The following FCHSD2 variants were observed in gnomAD, a reference collection of about 807,000 sequenced individuals.
The protein encoded by FCHSD2 is FCH and double SH3 domains 2.
FCHSD2 carries 38 observed loss-of-function variants against 108.1 expected under a neutral mutation model. That is an observed-to-expected ratio of 0.35 (90% CI 0.27 to 0.46). The LOEUF is 0.46. Among genes scored for constraint, FCHSD2 ranks in the 20% least tolerant of loss-of-function variants. The probability of loss-of-function intolerance (pLI) is 1.00; values close to 1 mark genes in which losing one functional copy is unlikely to be tolerated. For synonymous variants in FCHSD2, 279 were observed against 314.7 expected, an observed-to-expected ratio of 0.89 and a Z score of 1.20; for missense variants, 751 against 897.8, an observed-to-expected ratio of 0.84 and a Z score of 2.09.
chr11:72,863,755 GA>G, intron 13 of FCHSD2, among the ~76,000 whole-genome samples: 1 of 152,096 alleles, frequency 6.6e-6, no homozygotes, highest in African/African-American at 2.4e-5. Flanking sequence ...CATTATCAGA[GA>G]AATGGAAATT....
chr11:72,977,779 G>T (rs1565350743), intron 8 of FCHSD2, among the ~76,000 whole-genome samples: 1 of 152,226 alleles, frequency 6.6e-6, no homozygotes, highest in Non-Finnish European at 1.5e-5. Flanking sequence ...TCTAGAACTA[G>T]AAATACCATT....
intron 8 of FCHSD2, among the ~76,000 whole-genome samples, chr11:72,965,014 T>C (rs934175554): frequency 1.1e-4 from 16 of 152,138 alleles, no homozygotes; most frequent in Non-Finnish European, 2.2e-4. Context: ...TGGTCTCAAT[T>C]TCCCAACCTC....
intron 12 of FCHSD2, among the ~76,000 whole-genome samples, chr11:72,876,663 T>G (rs565240327): frequency 6.6e-6 from 1 of 152,226 alleles, no homozygotes; most frequent in Non-Finnish European, 1.5e-5. Context: ...TGGAGTTCGA[T>G]GAATGCCAAT....
intron 13 of FCHSD2, among the ~76,000 whole-genome samples, chr11:72,859,306 C>A (rs1201032707): frequency 6.6e-6 from 1 of 152,088 alleles, no homozygotes; most frequent in Non-Finnish European, 1.5e-5. Flanking sequence ...ACCCCTTTGT[C>A]GAGTATATGC....
At chr11:72,940,631 C>G in intron 8 of FCHSD2, 1 of 1,444,494 alleles carries the variant, frequency 6.9e-7, no homozygotes, top group East Asian at 2.3e-5. Flanking sequence ...CCCACCCAGC[C>G]TGATAAAGCG....
chr11:73,061,578 A>G (rs1859165892), intron 3 of FCHSD2, among the ~76,000 whole-genome samples: 1 of 152,232 alleles, frequency 6.6e-6, no homozygotes, highest in South Asian at 2.1e-4. Flanking sequence ...TCTCACTGCC[A>G]GCACAGCAGC....
At chr11:72,940,644 C>T in intron 8 of FCHSD2, 2 of 1,441,252 alleles carry the variant, frequency 1.4e-6, no homozygotes, top group South Asian at 1.1e-5. Context: ...ATAAAGCGCG[C>T]CGACCAGGCT....
Position 73,015,883 on chromosome 11 carries a change from AC to A in FCHSD2, c.167del (p.Gly56ValfsTer10). On this transcript the variant is annotated frameshift_variant and splice_region_variant, in exon 4 of 20. Transcript: ENST00000409418. LOFTEE classifies it high-confidence loss of function. Reference protein sequence around the residue: ...KAAIEREYAQGMQKLASQYLK... With the variant: ...KAAIEREYAQXMQKLASQYLK... ...GGTATTGACTAGCCAACTTCTGCAT[AC>A]CCTGTTAAAAAATACATATTTTTTC... 6.4e-7 allele frequency: 1 copy of A among 1,569,850 alleles called. No individual in the cohort carries two copies.
intron 5 of FCHSD2, among the ~76,000 whole-genome samples, 181 bp from the exon 6 acceptor site, chr11:72,989,278 T>G (rs1409333370): frequency 6.6e-6 from 1 of 152,172 alleles, no homozygotes; most frequent in African/African-American, 2.4e-5. Flanking sequence ...TATTTCCATC[T>G]CAAGTACTAC....
intron 3 of FCHSD2, among the ~76,000 whole-genome samples, chr11:73,045,398 C>G (rs1425573973): frequency 6.6e-6 from 1 of 150,588 alleles, no homozygotes; most frequent in African/African-American, 2.4e-5. Flanking sequence ...TACCATTTGA[C>G]CCAGCCATCC....
At chr11:73,070,517 G>A (rs919502473) in intron 3 of FCHSD2, among the ~76,000 whole-genome samples, 2 of 152,016 alleles carry the variant, frequency 1.3e-5, no homozygotes, top group African/African-American at 2.4e-5. Context: ...TCCACCTCCC[G>A]GGTTCAAGCG....
intron 13 of FCHSD2, among the ~76,000 whole-genome samples, chr11:72,857,828 T>G (rs1200799536): frequency 6.6e-6 from 1 of 152,036 alleles, no homozygotes; most frequent in East Asian, 1.9e-4. Context: ...TTGTACTCAT[T>G]AAAAACACCT....
chr11:72,915,277 A>C (rs369773160), intron 9 of FCHSD2, among the ~76,000 whole-genome samples: 1 of 152,206 alleles, frequency 6.6e-6, no homozygotes, highest in South Asian at 2.1e-4. Context: ...GAGAAAAAGG[A>C]ACACTTTTAC....
intron 10 of FCHSD2, among the ~76,000 whole-genome samples, chr11:72,897,664 T>C (rs1292002666): frequency 6.6e-6 from 1 of 152,180 alleles, no homozygotes; most frequent in Non-Finnish European, 1.5e-5. Flanking sequence ...ACTGCTAGTT[T>C]AGACACCCAA....
intron 14 of FCHSD2, among the ~76,000 whole-genome samples, chr11:72,849,326 A>G (rs901738857): frequency 6.6e-6 from 1 of 152,264 alleles, no homozygotes; most frequent in African/African-American, 2.4e-5. Flanking sequence ...TACACAGACA[A>G]AATTTCTGCC....
At chr11:72,958,709 T>C (rs1164079214) in intron 8 of FCHSD2, among the ~76,000 whole-genome samples, 2 of 152,162 alleles carry the variant, frequency 1.3e-5, no homozygotes, top group Admixed American at 1.3e-4. Context: ...GTCTCTTATC[T>C]CCTTCCCAAG....
In FCHSD2 at chr11:72,930,415, C is replaced by T. The variant is rs750971485; in HGVS notation, c.706-8465G>A. ...TGCAATTCTTGTTTTCCAAATAAAA[C>T]ATTTTTAATTTAGAGATTCATCTCT... is the stretch of plus-strand genomic sequence containing the variant. On this transcript the variant is annotated intron_variant, in intron 8 of 19. Coordinates refer to ENST00000409418, the MANE Select transcript of FCHSD2 (RefSeq NM_014824.3). Among the ~76,000 whole-genome samples the T allele has an allele frequency of 7.4e-4, 113 of 152,300 alleles. 1 individual carries two copies. The highest frequency in any genetic ancestry group is 7.4e-5 in the Non-Finnish European group (5 of 68,014).
intron 3 of FCHSD2, among the ~76,000 whole-genome samples, chr11:73,029,549 A>G (rs1858310821): frequency 6.6e-6 from 1 of 152,166 alleles, no homozygotes; most frequent in African/African-American, 2.4e-5. Context: ...GGGAGCCAGG[A>G]TGGGCAAATG....
chr11:73,007,785 C>T (rs1278436688), intron 4 of FCHSD2, among the ~76,000 whole-genome samples: 5 of 152,142 alleles, frequency 3.3e-5, no homozygotes, highest in East Asian at 1.9e-4. Flanking sequence ...ATAAAACTAA[C>T]GAATTCTGAA....
Sources: gnomAD v4.1 joint callset for allele counts (sites outside exome capture counted in the v4.1 genomes callset) on GRCh38, gnomAD v4.1.1 for gene constraint, MANE v1.5 for transcripts, NCBI Gene and HGNC (gene_info 2026-07-23, HGNC 2026-07-21) for gene names.